Variants in FMN1 observed in about 807,000 individuals in gnomAD.
FMN1 encodes the protein formin-1.
FMN1 carries 110 observed loss-of-function variants against 132.4 expected under a neutral mutation model. The observed-to-expected ratio is 0.83, with a 90% CI of 0.71 to 0.97. FMN1 has a LOEUF of 0.97. Ranked by LOEUF, FMN1 falls within the 50% of genes least tolerant of loss-of-function variation. The pLI is 0.00. For missense variants in FMN1, 1,792 were observed against 1,705.3 expected (o/e 1.05, Z -0.90); for synonymous variants, 722 against 651.7 (o/e 1.11, Z -1.64).
At chr15:32,880,888 G>GT (rs749692185) in intron 16 of FMN1, among the ~76,000 whole-genome samples, 3 of 152,086 alleles carry the variant, frequency 2.0e-5, no homozygotes, top group Non-Finnish European at 4.4e-5. Context: ...AAATGTTCTA[G>GT]TAATAGTATA....
At chr15:33,111,760 A>AG (rs1221207228) in intron 4 of FMN1, among the ~76,000 whole-genome samples, 1 of 149,564 alleles carries the variant, frequency 6.7e-6, no homozygotes, top group Admixed American at 6.6e-5. Context: ...GGCAGAAAGA[A>AG]GCTCAGTGAT....
At chr15:32,908,603 CAAAAAAA>C (rs71424680) in intron 11 of FMN1, 25 bp from the exon 12 acceptor site, 262 of 601,514 alleles carry the variant, frequency 4.4e-4, no homozygotes, top group Middle Eastern at 5.4e-4. Context: ...AAAACAAAAC[CAAAAAAA>C]AAAAAAAAAA....
chr15:32,884,867 A>T (rs2059857379), intron 16 of FMN1, among the ~76,000 whole-genome samples: 1 of 152,204 alleles, frequency 6.6e-6, no homozygotes, highest in East Asian at 1.9e-4. Flanking sequence ...TGTGAATTAG[A>T]TACTCCACAA....
In FMN1 at chr15:32,969,001, C is replaced by T. The variant is rs2031521271; in HGVS notation, c.2700G>A (p.Gly900=). 1.7e-6 allele frequency: 2 copies of T among 1,189,214 alleles called. No homozygotes were observed. The highest frequency in any genetic ancestry group is 2.5e-5 in the East Asian group (1 of 39,910). The allele number at this position is 1,189,214 out of a possible 1,614,324, so 73.7% of individuals were successfully genotyped here. Residue 900 remains glycine (G), a synonymous_variant, in exon 8 of 21, where the codon GGG becomes GGA. Coordinates refer to ENST00000616417, the MANE Select transcript of FMN1 (RefSeq NM_001277313.2). The part of the protein sequence containing the change: ...PAPPMPPVSA[G]PPLPPPPPPP... ...GAGGAGGCGGAGGTGGTAGCGGTGGCCCAGCACTCACAGGTGGCATTGGAG... is the reference window on the plus strand; with the variant it reads ...GAGGAGGCGGAGGTGGTAGCGGTGGTCCAGCACTCACAGGTGGCATTGGAG...
rs1354585410 is a variant in FMN1 at position 32,898,699 on chromosome 15, T to C, written c.3714+135A>G. Reference sequence around the variant, plus strand: ...AACTCTCTTGGTTTCAGTGTGCTCATCTGTAAACCACGCTGGAGAGCTCTC... The same window carrying C: ...AACTCTCTTGGTTTCAGTGTGCTCACCTGTAAACCACGCTGGAGAGCTCTC... On this transcript the variant is annotated intron_variant, in intron 15 of 20. Transcript: ENST00000616417. The C allele has an allele frequency of 2.8e-5, 17 of 596,952 alleles. No individual in the cohort carries two copies. In the East Asian group the frequency reaches 4.7e-4, roughly 16 times the overall value. The allele number at this position is 596,952 out of a possible 1,614,324, so 37.0% of individuals were successfully genotyped here.
chr15:32,861,884 G>A (rs1488317440), intron 16 of FMN1, among the ~76,000 whole-genome samples: 6 of 152,140 alleles, frequency 3.9e-5, no homozygotes, highest in Non-Finnish European at 5.9e-5. Context: ...TGAGCTTCGC[G>A]GTTTTGAAAT....
chr15:33,068,785 T>G (rs2141266411), intron 5 of FMN1, among the ~76,000 whole-genome samples: 1 of 152,222 alleles, frequency 6.6e-6, no homozygotes, highest in Admixed American at 6.5e-5. Flanking sequence ...AAACAGGTAT[T>G]AGGCAAGCAC....
chr15:32,980,623 T>G (rs561204325), intron 7 of FMN1, among the ~76,000 whole-genome samples: 2 of 152,254 alleles, frequency 1.3e-5, no homozygotes, highest in African/African-American at 4.8e-5. Context: ...TGTTTTGTTT[T>G]ATTTCAGTCT....
intron 6 of FMN1, among the ~76,000 whole-genome samples, chr15:33,053,464 G>A (rs1206088617): frequency 6.6e-6 from 1 of 152,172 alleles, no homozygotes; most frequent in African/African-American, 2.4e-5. Context: ...AGTGCAGCAT[G>A]CCGAGTAGAC....
chr15:32,790,331 G>A (rs1016273773), intron 19 of FMN1, among the ~76,000 whole-genome samples: 1 of 152,210 alleles, frequency 6.6e-6, no homozygotes, highest in Non-Finnish European at 1.5e-5. Context: ...GATCACCTGA[G>A]CCCAGGAGTT....
intron 16 of FMN1, among the ~76,000 whole-genome samples, chr15:32,881,272 T>C (rs544584667): frequency 2.0e-5 from 3 of 152,322 alleles, no homozygotes; most frequent in Admixed American, 6.5e-5. Context: ...ATGCACAAAC[T>C]TGTGGTACAT....
chr15:33,038,021 G>C (rs989888800), intron 6 of FMN1, among the ~76,000 whole-genome samples: 1 of 152,202 alleles, frequency 6.6e-6, no homozygotes, highest in Non-Finnish European at 1.5e-5. Context: ...TCAGGAGTTT[G>C]AGGCCAGCCT....
intron 6 of FMN1, among the ~76,000 whole-genome samples, chr15:33,045,160 TAC>T (rs2036620349): frequency 6.6e-6 from 1 of 152,212 alleles, no homozygotes; most frequent in Non-Finnish European, 1.5e-5. Flanking sequence ...CTGCTTGTGG[TAC>T]ATAGTCCAGC....
At chr15:32,820,830 C>T (rs1310089851) in intron 17 of FMN1, among the ~76,000 whole-genome samples, 1 of 152,054 alleles carries the variant, frequency 6.6e-6, no homozygotes, top group Non-Finnish European at 1.5e-5. Flanking sequence ...TTTTCCCATG[C>T]TTTTGCTTGT....
intron 5 of FMN1, among the ~76,000 whole-genome samples, chr15:33,073,829 C>T (rs1270641152): frequency 6.6e-6 from 1 of 151,696 alleles, no homozygotes; most frequent in East Asian, 1.9e-4. Flanking sequence ...TCCCCTTGCT[C>T]AAATGATTCT....
intron 9 of FMN1, among the ~76,000 whole-genome samples, chr15:32,956,407 C>A (rs2061770059): frequency 1.3e-5 from 2 of 151,476 alleles, no homozygotes; most frequent in Non-Finnish European, 2.9e-5. Context: ...CGTACAACTT[C>A]TGGGGCTGTC....
chr15:32,939,372 GA>G (rs35006333), intron 9 of FMN1, among the ~76,000 whole-genome samples: 1 of 151,518 alleles, frequency 6.6e-6, no homozygotes, highest in African/African-American at 2.4e-5. Flanking sequence ...ATATTAAGGG[GA>G]AAAAAAGACA....
intron 6 of FMN1, among the ~76,000 whole-genome samples, chr15:33,013,399 G>C (rs541842194): frequency 3.9e-5 from 6 of 152,196 alleles, no homozygotes; most frequent in Non-Finnish European, 7.4e-5. Context: ...GAATAAATGT[G>C]TCTTTTATTT....
chr15:32,998,477 A>C (rs2033908791), intron 7 of FMN1, among the ~76,000 whole-genome samples: 1 of 152,194 alleles, frequency 6.6e-6, no homozygotes, highest in African/African-American at 2.4e-5. Flanking sequence ...CAGCTACTCC[A>C]ATGCTTTTAC....
Sources: allele counts gnomAD v4.1 joint callset (sites outside exome capture counted in the v4.1 genomes callset), GRCh38; gene constraint gnomAD v4.1.1; transcripts MANE v1.5; gene names NCBI Gene and HGNC (gene_info 2026-07-23, HGNC 2026-07-21).